SLC4A7: variants seen among roughly 807,000 people sequenced by gnomAD.
SLC4A7 encodes sodium bicarbonate cotransporter 3.
Under a neutral mutation model 137.6 loss-of-function variants are expected in SLC4A7, and 51 were observed. The ratio of observed to expected loss-of-function variants is 0.37; its 90% CI spans 0.30 to 0.47. The LOEUF is 0.47. Among genes scored for constraint, SLC4A7 ranks in the 20% least tolerant of loss-of-function variants. The probability of loss-of-function intolerance (pLI) is 1.00; values close to 1 mark genes in which losing one functional copy is unlikely to be tolerated. For missense variants in SLC4A7, 1,247 were observed against 1,525.4 expected (o/e 0.82, Z 3.04); for synonymous variants, 542 against 518.6 (o/e 1.05, Z -0.61).
intron 1 of SLC4A7, among the ~76,000 whole-genome samples, chr3:27,464,700 A>T (rs1031442676): frequency 3.3e-5 from 5 of 152,070 alleles, no homozygotes; most frequent in African/African-American, 1.2e-4. Context: ...CTCAAAAAAA[A>T]AAGCCAGCCA....
chr3:27,429,534 C>T (rs961735721), intron 7 of SLC4A7, among the ~76,000 whole-genome samples: 1 of 152,072 alleles, frequency 6.6e-6, no homozygotes, highest in African/African-American at 2.4e-5. Context: ...AAAAAGAACA[C>T]TTGATCCTAT....
chr3:27,390,917 G>T (rs2051483462), intron 21 of SLC4A7, among the ~76,000 whole-genome samples: 2 of 152,162 alleles, frequency 1.3e-5, no homozygotes, highest in African/African-American at 2.4e-5. Flanking sequence ...TCAAACTCCT[G>T]GGCCCAAGCA....
chr3:27,390,137 A>T, intron 21 of SLC4A7, 33 bp from the exon 22 acceptor site: 1 of 1,329,390 alleles, frequency 7.5e-7, no homozygotes, highest in Middle Eastern at 1.9e-4. Context: ...AGAAGTTTTC[A>T]ATAAAATATT....
chr3:27,438,860 T>C (rs2056969485), intron 3 of SLC4A7, among the ~76,000 whole-genome samples: 2 of 152,144 alleles, frequency 1.3e-5, no homozygotes, highest in Admixed American at 1.3e-4. Flanking sequence ...CCTACTATCA[T>C]GGAGAAACAA....
At chr3:27,412,297 C>T (rs2053975811) in intron 11 of SLC4A7, among the ~76,000 whole-genome samples, 3 of 152,176 alleles carry the variant, frequency 2.0e-5, no homozygotes, top group Admixed American at 2.0e-4. Flanking sequence ...TTCTCCCCCT[C>T]TGTTAAAGAC....
chr3:27,409,693 C>A (rs1486611010), intron 12 of SLC4A7, among the ~76,000 whole-genome samples, 163 bp from the exon 13 acceptor site: 5 of 152,122 alleles, frequency 3.3e-5, no homozygotes, highest in Non-Finnish European at 7.4e-5. Flanking sequence ...CTCATTTAAT[C>A]TAATCTAATG....
intron 1 of SLC4A7, among the ~76,000 whole-genome samples, chr3:27,479,280 G>T (rs749643969): frequency 2.9e-4 from 44 of 152,086 alleles, no homozygotes; most frequent in Admixed American, 2.6e-4. Flanking sequence ...GCCAGACGTG[G>T]TGGTGTGCCT....
intron 2 of SLC4A7, among the ~76,000 whole-genome samples, chr3:27,450,572 G>A (rs529243721): frequency 1.1e-4 from 16 of 152,052 alleles, no homozygotes; most frequent in Non-Finnish European, 2.1e-4. Context: ...GAATTACAAA[G>A]TTGTTCCTCC....
chr3:27,448,586 A>T, intron 3 of SLC4A7, 65 bp downstream of exon 3: 1 of 1,387,792 alleles, frequency 7.2e-7, no homozygotes, highest in Non-Finnish European at 9.9e-7. Context: ...ATATTCAATT[A>T]AAAGAAAATA....
At chr3:27,463,122 C>T (rs2058784689) in intron 1 of SLC4A7, among the ~76,000 whole-genome samples, 1 of 151,402 alleles carries the variant, frequency 6.6e-6, no homozygotes, top group Non-Finnish European at 1.5e-5. Flanking sequence ...GAAACCTCGT[C>T]TCTACTCAAA....
rs1191297061 is a variant in SLC4A7, at chr3:27,484,110, G to A, written c.17C>T (p.Ala6Val). 4 of 1,393,460 alleles carry A rather than the reference G, an allele frequency of 2.9e-6. No individual in the cohort carries two copies. In the African/African-American group the frequency reaches 4.5e-5, roughly 16 times the overall value. 86.3% of individuals were successfully genotyped at this position (1,393,460 alleles called of 1,614,324 possible). A position where few individuals can be genotyped will look rare whatever the true frequency, so the allele number is the denominator to read the frequency against. ...GAGTAGCGGTCTCATCTGCTCGCCGGCCCCATCAGCCTCCATGGCCGGCCG... is the reference window on the plus strand; with the variant it reads ...GAGTAGCGGTCTCATCTGCTCGCCGACCCCATCAGCCTCCATGGCCGGCCG... MEADG[A>V]GEQMRPLLTR... is the part of the protein sequence containing the mutation. Residue 6 changes from alanine to valine, a missense_variant, in exon 1 of 26, where the codon GCC becomes GTC. Around this residue, in one of 6 missense-constraint regions of SLC4A7, gnomAD observed 176 missense variants for 186.4 expected, o/e 0.94. Coordinates refer to ENST00000454389, the MANE Select transcript of SLC4A7 (RefSeq NM_001321103.2).
intron 1 of SLC4A7, among the ~76,000 whole-genome samples, chr3:27,467,999 T>C (rs937351537): frequency 4.6e-5 from 7 of 152,214 alleles, no homozygotes; most frequent in Non-Finnish European, 8.8e-5. Context: ...GCATTTTATA[T>C]GTAAATAAAA....
chr3:27,384,090 C>T (rs1221869067), intron 23 of SLC4A7, among the ~76,000 whole-genome samples: 1 of 152,060 alleles, frequency 6.6e-6, no homozygotes, highest in Non-Finnish European at 1.5e-5. Context: ...AGAGGAGACA[C>T]TGAGAGAACA....
intron 1 of SLC4A7, among the ~76,000 whole-genome samples, chr3:27,456,047 C>A (rs2058388098): frequency 6.6e-6 from 1 of 152,056 alleles, no homozygotes; most frequent in African/African-American, 2.4e-5. Flanking sequence ...CCTGAAAAAG[C>A]AAAATCCACA....
chr3:27,414,938 A>G (rs1254949907), intron 11 of SLC4A7, among the ~76,000 whole-genome samples: 1 of 152,192 alleles, frequency 6.6e-6, no homozygotes, highest in Non-Finnish European at 1.5e-5. Flanking sequence ...GAAGGAATTT[A>G]TTGTTTCAGG....
chr3:27,427,904 T>C (rs1451290185), intron 7 of SLC4A7, among the ~76,000 whole-genome samples: 1 of 152,216 alleles, frequency 6.6e-6, no homozygotes, highest in African/African-American at 2.4e-5. Context: ...TCAGTTAATT[T>C]ATCTCCTTAA....
At position 27,375,622 on chromosome 3, in the gene SLC4A7, T is replaced by C. The variant is rs573107670; in HGVS notation, c.*1142A>G. 6.6e-6 allele frequency: 1 copy of C among 152,482 alleles called. No individual in the cohort carries two copies. Among genetic ancestry groups the C allele is most frequent in the South Asian group, 2.1e-4 (1 of 4,826 alleles). The allele number at this position is 152,482 out of a possible 1,614,324, so 9.4% of individuals were successfully genotyped here. A position where few individuals can be genotyped will look rare whatever the true frequency, so the allele number is the denominator to read the frequency against. On this transcript the variant is annotated 3_prime_UTR_variant, in exon 26 of 26. Coordinates refer to ENST00000454389, the MANE Select transcript of SLC4A7 (RefSeq NM_001321103.2). ...ATTGCTTTAAGATAATAAACATAAA[T>C]GAAAGTAAGCACCAACTATTTACAT... is the stretch of plus-strand genomic sequence containing the variant.
At chr3:27,438,683 CAACATAACATAAAAT>C (rs1316144184) in intron 3 of SLC4A7, among the ~76,000 whole-genome samples, 8 of 144,756 alleles carry the variant, frequency 5.5e-5, no homozygotes, top group African/African-American at 7.7e-5. Context: ...AAAAATAACA[CAACATAACATAAAAT>C]AACATAACAT....
intron 3 of SLC4A7, among the ~76,000 whole-genome samples, chr3:27,446,875 G>GTTT (rs59612875): frequency 2.2e-5 from 2 of 91,186 alleles, no homozygotes; most frequent in African/African-American, 8.4e-5. Flanking sequence ...GTTTTTTTTT[G>GTTT]TTTTTTTTTG....
Sources: gnomAD v4.1 joint callset for allele counts (sites outside exome capture counted in the v4.1 genomes callset) on GRCh38, gnomAD v4.1.1 for gene constraint, gnomAD v4.1.1 regional missense constraint, MANE v1.5 for transcripts, NCBI Gene and HGNC (gene_info 2026-07-23, HGNC 2026-07-21) for gene names.